ARL13B: variants seen among roughly 807,000 people sequenced by gnomAD.
ARL13B encodes ADP-ribosylation factor-like protein 13B.
Under a neutral mutation model 56.1 loss-of-function variants are expected in ARL13B, and 36 were observed. That is an observed-to-expected ratio of 0.64 (90% CI 0.49 to 0.85). The LOEUF (loss-of-function observed/expected upper bound fraction) is 0.85, where lower values mean the gene tolerates loss of function less well. Among genes scored for constraint, ARL13B ranks in the 40% least tolerant of loss-of-function variants. The pLI, the probability that ARL13B is intolerant of heterozygous loss-of-function variation, is 0.00. For synonymous variants in ARL13B, 178 were observed against 171.1 expected, an observed-to-expected ratio of 1.04 and a Z score of -0.32; for missense variants, 519 against 507.1, an observed-to-expected ratio of 1.02 and a Z score of -0.23.
In ARL13B at chr3:94,054,857, C is replaced by A; in HGVS notation, c.*1594C>A. 3 of 342,948 alleles carry A rather than the reference C, an allele frequency of 8.7e-6. No individual in the cohort carries two copies. The highest frequency in any genetic ancestry group is 4.6e-5 in the South Asian group (2 of 43,402). 21.2% of individuals were successfully genotyped at this position (342,948 alleles called of 1,614,324 possible). A position where few individuals can be genotyped will look rare whatever the true frequency, so the allele number is the denominator to read the frequency against. ...GAGGTGGCTGAAATGTGATGAAAAGCAATACGAAAAGACAATGTAAACTTT... is the reference window on the plus strand; with the variant it reads ...GAGGTGGCTGAAATGTGATGAAAAGAAATACGAAAAGACAATGTAAACTTT... On this transcript the variant is annotated 3_prime_UTR_variant, in exon 10 of 10. Transcript: ENST00000394222.
At chr3:94,049,628 A>G in intron 8 of ARL13B, 106 bp downstream of exon 8, 2 of 830,702 alleles carry the variant, frequency 2.4e-6, no homozygotes, top group Non-Finnish European at 3.8e-6. Context: ...TATATTCATT[A>G]TCTTGTATAC....
At chr3:93,989,693 C>G (rs549483757) in intron 1 of ARL13B, among the ~76,000 whole-genome samples, 1 of 151,928 alleles carries the variant, frequency 6.6e-6, no homozygotes, top group Admixed American at 6.6e-5. Context: ...CTATTTCATT[C>G]ATGAAATTCT....
intron 1 of ARL13B, among the ~76,000 whole-genome samples, chr3:93,993,804 T>TA (rs1455851381): frequency 6.6e-6 from 1 of 152,236 alleles, no homozygotes; most frequent in Non-Finnish European, 1.5e-5. Flanking sequence ...TCATAGTTGA[T>TA]AAAGCAGGTA....
intron 8 of ARL13B, 128 bp downstream of exon 8, chr3:94,049,650 A>T (rs1435841282): frequency 3.1e-6 from 2 of 643,140 alleles, no homozygotes; most frequent in Non-Finnish European, 5.1e-6. Flanking sequence ...TGTGAAGAAG[A>T]ATCTTTTACT....
In ARL13B at chr3:94,041,061, T is replaced by G. The variant is rs1202830055; in HGVS notation, c.798+1073T>G. Among the ~76,000 whole-genome samples the G allele has an allele frequency of 4.6e-5, 7 of 151,894 alleles. No individual in the cohort carries two copies. In the East Asian group the frequency reaches 1.4e-3, roughly 29 times the overall value. On this transcript the variant is annotated intron_variant, in intron 6 of 9. Coordinates refer to ENST00000394222, the MANE Select transcript of ARL13B (RefSeq NM_001174150.2). Reference sequence around the variant, plus strand: ...TTCAAGAAGATGGCCAGTAAAGAAATAAAAGCAAATTAGCTATAGTTTTTT... The same window carrying G: ...TTCAAGAAGATGGCCAGTAAAGAAAGAAAAGCAAATTAGCTATAGTTTTTT...
At chr3:94,020,131 G>A (rs2076417432) in intron 3 of ARL13B, among the ~76,000 whole-genome samples, 1 of 151,978 alleles carries the variant, frequency 6.6e-6, no homozygotes, top group African/African-American at 2.4e-5. Flanking sequence ...ATTCATTCTG[G>A]TACCTCATAG....
chr3:94,004,160 G>C (rs2076096905), intron 3 of ARL13B, among the ~76,000 whole-genome samples: 1 of 152,056 alleles, frequency 6.6e-6, no homozygotes, highest in South Asian at 2.1e-4. Context: ...TGTTTTATGT[G>C]ATAGTTTACT....
chr3:94,050,931 A>G, intron 9 of ARL13B, 39 bp downstream of exon 9: 2 of 1,574,114 alleles, frequency 1.3e-6, no homozygotes, highest in Non-Finnish European at 1.7e-6. Context: ...TCATCTGTAC[A>G]TGTCACATTC....
At chr3:94,004,229 A>AT (rs908374127) in intron 3 of ARL13B, among the ~76,000 whole-genome samples, 23 of 151,980 alleles carry the variant, frequency 1.5e-4, no homozygotes, top group African/African-American at 5.3e-4. Context: ...ATATCTTTTA[A>AT]TTTTTTCTCT....
intron 2 of ARL13B, among the ~76,000 whole-genome samples, chr3:94,000,879 A>G (rs1465381523): frequency 1.3e-5 from 2 of 152,150 alleles, no homozygotes; most frequent in Non-Finnish European, 2.9e-5. Flanking sequence ...TGGTTCTTGT[A>G]TGATTTATCA....
intron 3 of ARL13B, among the ~76,000 whole-genome samples, chr3:94,021,104 A>G (rs946399205): frequency 2.0e-5 from 3 of 151,824 alleles, no homozygotes; most frequent in African/African-American, 7.3e-5. Flanking sequence ...AGTCAGGAGG[A>G]ATATTAGACG....
chr3:94,034,758 C>T (rs550490400), intron 3 of ARL13B, among the ~76,000 whole-genome samples: 2 of 152,124 alleles, frequency 1.3e-5, no homozygotes, highest in African/African-American at 4.8e-5. Context: ...GTAGCTTTTT[C>T]TGTTTTGTTG....
In ARL13B at chr3:94,054,436, A is replaced by G. The variant is rs535961865; in HGVS notation, c.*1173A>G. 3.6e-5 allele frequency: 13 copies of G among 365,028 alleles called. No individual in the cohort carries two copies. The East Asian group carries it at 7.6e-4, about 21-fold the overall frequency. The allele number at this position is 365,028 out of a possible 1,614,324, so 22.6% of individuals were successfully genotyped here. A position where few individuals can be genotyped will look rare whatever the true frequency, so the allele number is the denominator to read the frequency against. On this transcript the variant is annotated 3_prime_UTR_variant, in exon 10 of 10. Coordinates refer to ENST00000394222, the MANE Select transcript of ARL13B (RefSeq NM_001174150.2). ...ATTTGGCATTTAGACTAACTTCTAGATGTATATTTTTAATAATAGATTCAT... is the reference window on the plus strand; with the variant it reads ...ATTTGGCATTTAGACTAACTTCTAGGTGTATATTTTTAATAATAGATTCAT...
intron 3 of ARL13B, among the ~76,000 whole-genome samples, chr3:94,004,853 T>C (rs2076107701): frequency 6.6e-6 from 1 of 152,112 alleles, no homozygotes; most frequent in African/African-American, 2.4e-5. Context: ...TTCTCATGTT[T>C]TATTGAATCT....
At chr3:94,035,458 TA>T (rs777037786) in intron 4 of ARL13B, 22 bp downstream of exon 4, 6 of 1,429,672 alleles carry the variant, frequency 4.2e-6, no homozygotes, top group African/African-American at 2.9e-5. Flanking sequence ...TTTTTTTTTT[TA>T]ATTTTAATTT....
intron 3 of ARL13B, among the ~76,000 whole-genome samples, chr3:94,029,301 C>CATATATATATATAT (rs1242349606): frequency 4.3e-4 from 33 of 77,198 alleles, no homozygotes; most frequent in Admixed American, 8.2e-4. Flanking sequence ...CTATCAAAAT[C>CATATATATATATAT]ATATATATAT....
intron 2 of ARL13B, among the ~76,000 whole-genome samples, chr3:94,002,940 A>C (rs192713123): frequency 1.7e-3 from 266 of 152,198 alleles, no homozygotes; most frequent in African/African-American, 6.2e-3. Flanking sequence ...CCTAAATTCT[A>C]TCTCTCCAAT....
At chr3:94,038,515 CTTTT>C (rs761909057) in intron 5 of ARL13B, among the ~76,000 whole-genome samples, 3 of 54,468 alleles carry the variant, frequency 5.5e-5, no homozygotes, top group Admixed American at 2.0e-4. Context: ...TCTGGCTGCT[CTTTT>C]TTTTTTTTTT....
chr3:94,002,769 T>C (rs1021470614), intron 2 of ARL13B, among the ~76,000 whole-genome samples: 3 of 152,236 alleles, frequency 2.0e-5, no homozygotes, highest in Non-Finnish European at 4.4e-5. Flanking sequence ...GTCTGCCAGA[T>C]ATTTTCAATA....
Sources: gnomAD v4.1 joint callset for allele counts (sites outside exome capture counted in the v4.1 genomes callset) on GRCh38, gnomAD v4.1.1 for gene constraint, MANE v1.5 for transcripts, NCBI Gene and HGNC (gene_info 2026-07-23, HGNC 2026-07-21) for gene names.